Variants in STXBP6 observed in about 807,000 individuals in gnomAD.
STXBP6 encodes syntaxin binding protein 6.
STXBP6 carries 21 observed loss-of-function variants against 26.9 expected under a neutral mutation model. The ratio of observed to expected loss-of-function variants is 0.78; its 90% CI spans 0.55 to 1.12. The LOEUF (loss-of-function observed/expected upper bound fraction) is 1.12, where lower values mean the gene tolerates loss of function less well. Ranked by LOEUF, STXBP6 falls within the 50% of genes most tolerant of loss-of-function variation. STXBP6 has a pLI of 0.00. For missense variants in STXBP6, 232 were observed against 257.9 expected, an observed-to-expected ratio of 0.90 and a Z score of 0.69; for synonymous variants, 97 against 92.6, an observed-to-expected ratio of 1.05 and a Z score of -0.27.
At chr14:24,969,982 C>T (rs1298039628) in intron 2 of STXBP6, among the ~76,000 whole-genome samples, 5 of 152,212 alleles carry the variant, frequency 3.3e-5, no homozygotes, top group African/African-American at 1.2e-4. Context: ...TGGCTCATGC[C>T]TGCAATCCCA....
At chr14:24,927,230 G>A (rs2072209654) in intron 2 of STXBP6, among the ~76,000 whole-genome samples, 1 of 152,140 alleles carries the variant, frequency 6.6e-6, no homozygotes, top group Non-Finnish European at 1.5e-5. Flanking sequence ...GAGCTTCTCC[G>A]TGGTATTCCA....
At chr14:24,913,375 T>G (rs887895674) in intron 2 of STXBP6, among the ~76,000 whole-genome samples, 3 of 152,196 alleles carry the variant, frequency 2.0e-5, no homozygotes, top group African/African-American at 7.2e-5. Flanking sequence ...GATAAATGTT[T>G]GATATAAAGG....
chr14:25,043,220 AC>A (rs1024287700), intron 1 of STXBP6, among the ~76,000 whole-genome samples: 1 of 152,216 alleles, frequency 6.6e-6, no homozygotes, highest in African/African-American at 2.4e-5. Context: ...TTGGAACAAA[AC>A]CCTTTTAATT....
In STXBP6 at chr14:24,815,184, C is replaced by T. The variant is rs534173048; in HGVS notation, c.610-2452G>A. Among the ~76,000 whole-genome samples, 4 of 152,258 alleles carry T rather than the reference C, an allele frequency of 2.6e-5. No individual in the cohort carries two copies. In the South Asian group the frequency reaches 8.3e-4, roughly 32 times the overall value. On this transcript the variant is annotated intron_variant, in intron 5 of 5. Transcript: ENST00000323944. Reference sequence around the variant, plus strand: ...CTTGAGCTCTAAAGTCACAGCTGCTCCACACCTCAGCCTCCTCTTATGTCT... The same window carrying T: ...CTTGAGCTCTAAAGTCACAGCTGCTTCACACCTCAGCCTCCTCTTATGTCT...
intron 2 of STXBP6, among the ~76,000 whole-genome samples, chr14:24,909,725 AT>A (rs879528788): frequency 3.3e-4 from 49 of 146,950 alleles, no homozygotes; most frequent in East Asian, 8.1e-4. Context: ...AGATATGAGA[AT>A]TTTTTTTTTT....
chr14:24,865,900 G>A (rs2069700608), intron 2 of STXBP6, among the ~76,000 whole-genome samples: 2 of 152,138 alleles, frequency 1.3e-5, no homozygotes, highest in African/African-American at 2.4e-5. Flanking sequence ...ATGAAGTAGT[G>A]TATTACTCGA....
chr14:24,922,407 CT>C (rs1039093553), intron 2 of STXBP6, among the ~76,000 whole-genome samples: 5 of 152,134 alleles, frequency 3.3e-5, no homozygotes, highest in African/African-American at 1.2e-4. Context: ...CTGCTCTCAC[CT>C]AGCGGAATTA....
At chr14:24,922,607 T>C (rs1334383098) in intron 2 of STXBP6, among the ~76,000 whole-genome samples, 1 of 152,064 alleles carries the variant, frequency 6.6e-6, no homozygotes, top group African/African-American at 2.4e-5. Flanking sequence ...GTCCTACAAG[T>C]ACACAGGGAT....
At chr14:24,819,866 G>C (rs2068089066) in intron 4 of STXBP6, among the ~76,000 whole-genome samples, 1 of 152,140 alleles carries the variant, frequency 6.6e-6, no homozygotes, top group South Asian at 2.1e-4. Flanking sequence ...TCTAGTATGT[G>C]AAATACGGAG....
intron 2 of STXBP6, among the ~76,000 whole-genome samples, chr14:24,968,004 G>C (rs1228067188): frequency 1.3e-5 from 2 of 152,040 alleles, no homozygotes; most frequent in Non-Finnish European, 2.9e-5. Flanking sequence ...ATGAACACTG[G>C]TTCCTTGATC....
At chr14:25,019,433 C>G (rs1266379185) in intron 1 of STXBP6, among the ~76,000 whole-genome samples, 1 of 152,130 alleles carries the variant, frequency 6.6e-6, no homozygotes. Context: ...ACAATAAACA[C>G]AAAAGAGTCA....
chr14:24,917,636 T>A (rs994828636), intron 2 of STXBP6, among the ~76,000 whole-genome samples: 3 of 152,124 alleles, frequency 2.0e-5, no homozygotes, highest in Non-Finnish European at 2.9e-5. Flanking sequence ...ATGTAAGGGC[T>A]AAAACTTCAA....
intron 5 of STXBP6, among the ~76,000 whole-genome samples, chr14:24,813,612 G>T (rs2067885523): frequency 6.6e-6 from 1 of 152,166 alleles, no homozygotes; most frequent in Admixed American, 6.5e-5. Context: ...TTAGGGTTCT[G>T]TGGCTCAGAA....
chr14:24,853,728 T>C lies in STXBP6; in HGVS notation c.451+2208A>G, dbSNP rs79687977. Reference sequence around the variant, plus strand: ...TTATTAACTTATTCTAATTTTTTCTTACTACAGGAAACCAATATTCGGCTT... The same window carrying C: ...TTATTAACTTATTCTAATTTTTTCTCACTACAGGAAACCAATATTCGGCTT... On this transcript the variant is annotated intron_variant, in intron 4 of 5. Transcript: ENST00000323944. 7.7e-3 allele frequency among the ~76,000 whole-genome samples: 1,178 copies of C among 152,186 alleles called. 17 individuals carry two copies. The highest frequency in any genetic ancestry group is 0.027 in the Middle Eastern group (8 of 294).
At chr14:24,843,035 T>C (rs911991183) in intron 4 of STXBP6, among the ~76,000 whole-genome samples, 7 of 152,144 alleles carry the variant, frequency 4.6e-5, no homozygotes, top group Non-Finnish European at 8.8e-5. Flanking sequence ...CTCTCTCTAA[T>C]GGGGCAGGGG....
chr14:25,019,868 GTTTT>G (rs35017131), intron 1 of STXBP6, among the ~76,000 whole-genome samples: 3 of 128,240 alleles, frequency 2.3e-5, no homozygotes, highest in East Asian at 2.3e-4. Flanking sequence ...AGTTTCGTGG[GTTTT>G]TTTTTTTTTT....
intron 2 of STXBP6, among the ~76,000 whole-genome samples, chr14:24,965,867 T>G (rs1229773033): frequency 6.6e-6 from 1 of 152,152 alleles, no homozygotes; most frequent in Non-Finnish European, 1.5e-5. Context: ...AGTGTTAACC[T>G]AGAAAATCAC....
intron 2 of STXBP6, among the ~76,000 whole-genome samples, chr14:24,974,270 T>C (rs2073984749): frequency 6.6e-6 from 1 of 152,188 alleles, no homozygotes; most frequent in Non-Finnish European, 1.5e-5. Context: ...TTGGCAACTG[T>C]CTAGAAAAAC....
intron 2 of STXBP6, among the ~76,000 whole-genome samples, chr14:24,896,922 C>G (rs1017438501): frequency 6.6e-6 from 1 of 152,056 alleles, no homozygotes; most frequent in African/African-American, 2.4e-5. Context: ...GAGGGGGTTA[C>G]TATTTCAGGT....
Sources: allele counts gnomAD v4.1 joint callset (sites outside exome capture counted in the v4.1 genomes callset), GRCh38; gene constraint gnomAD v4.1.1; transcripts MANE v1.5; gene names NCBI Gene and HGNC (gene_info 2026-07-23, HGNC 2026-07-21).